RHPN1: variants seen among roughly 807,000 people sequenced by gnomAD.
The protein encoded by RHPN1 is rhophilin Rho GTPase binding protein 1.
Under a neutral mutation model 74.7 loss-of-function variants are expected in RHPN1, and 77 were observed. That is an observed-to-expected ratio of 1.03 (90% CI 0.86 to 1.25). RHPN1 has a LOEUF of 1.25. Ranked by LOEUF, RHPN1 falls within the 50% of genes most tolerant of loss-of-function variation. The probability of loss-of-function intolerance (pLI) is 0.00; values close to 1 mark genes in which losing one functional copy is unlikely to be tolerated. For synonymous variants in RHPN1, 444 were observed against 414.5 expected, an observed-to-expected ratio of 1.07 and a Z score of -0.87; for missense variants, 987 against 932.2, an observed-to-expected ratio of 1.06 and a Z score of -0.77.
Position 143,375,651 on chromosome 8 carries a change from C to A in RHPN1, c.159C>A (p.Gly53=), listed in dbSNP as rs144295575. The change falls in exon 2 of 15, where the codon GGC becomes GGA. Residue 53 remains glycine, a synonymous_variant. Coordinates refer to ENST00000289013, the MANE Select transcript of RHPN1 (RefSeq NM_052924.3). ...ACAAGGAGCTGCAGATGCGGACGGG[C>A]GCTGAGAACCTCTACAGGTCAGTGC... ...QIDKELQMRT[G]AENLYRATSN... is the part of the protein sequence containing the mutation. 3 of 1,607,538 alleles carry A rather than the reference C, an allele frequency of 1.9e-6. No homozygotes were observed. Among genetic ancestry groups the A allele is most frequent in the Non-Finnish European group, 2.5e-6 (3 of 1,177,830 alleles).
intron 1 of RHPN1, among the ~76,000 whole-genome samples, chr8:143,374,725 G>A (rs1195110999): frequency 1.4e-4 from 22 of 152,228 alleles, no homozygotes; most frequent in Admixed American, 1.4e-3. Context: ...GATCATGTGG[G>A]CAGGACCCCA....
upstream of RHPN1, among the ~76,000 whole-genome samples, chr8:143,365,588 G>C (rs1417676538): frequency 2.6e-4 from 39 of 152,250 alleles, 1 homozygote; most frequent in Admixed American, 2.6e-3. Context: ...TCTTCACCCA[G>C]GACATGTGGA....
At position 143,381,557 on chromosome 8, in the gene RHPN1, C is replaced by CT; in HGVS notation, c.1489-14dup. 1.2e-6 allele frequency: 2 copies of CT among 1,602,496 alleles called. No homozygotes were observed. The highest frequency in any genetic ancestry group is 1.7e-6 in the Non-Finnish European group (2 of 1,177,572). ...TGTGGCCCAGCTGGGCCTCTGACCT[C>CT]TGAGCCCCTGCCAGGGGCCCCTGTC... On this transcript the variant is annotated splice_polypyrimidine_tract_variant and intron_variant, in intron 12 of 14. Transcript: ENST00000289013.
In RHPN1 at chr8:143,384,022, G is replaced by A. The variant is rs1328072185; in HGVS notation, c.*1371G>A. ...AAATGGGGGTGCAAGTAGGGTGTTT[G>A]GGGTCCCAGAGACGCAGGCGCCGCG... On this transcript the variant is annotated 3_prime_UTR_variant, in exon 15 of 15. Transcript: ENST00000289013. 1.3e-5 allele frequency: 2 copies of A among 152,200 alleles called. No individual in the cohort carries two copies. Among genetic ancestry groups the A allele is most frequent in the Admixed American group, 1.3e-4 (2 of 15,284 alleles). The allele number at this position is 152,200 out of a possible 1,614,324, so 9.4% of individuals were successfully genotyped here. A position where few individuals can be genotyped will look rare whatever the true frequency, so the allele number is the denominator to read the frequency against.
At chr8:143,372,637 G>A (rs529031889) in intron 1 of RHPN1, among the ~76,000 whole-genome samples, 32 of 151,864 alleles carry the variant, frequency 2.1e-4, no homozygotes, top group Admixed American at 5.9e-4. Flanking sequence ...CCCTCCCTCC[G>A]GCCCCTAAGC....
intron 1 of RHPN1, among the ~76,000 whole-genome samples, chr8:143,372,571 G>A (rs1164797114): frequency 2.6e-5 from 4 of 151,932 alleles, no homozygotes; most frequent in Non-Finnish European, 2.9e-5. Flanking sequence ...CCCTCCTTCC[G>A]GCTGCCTGTG....
chr8:143,380,049 C>G lies in RHPN1; in HGVS notation c.1103-13C>G. ...CCCCCCCGCGCAGGGCTCACAGCCTCTCTGTCCCCCAGCAGCGACCGAGGG... is the reference window on the plus strand; with the variant it reads ...CCCCCCCGCGCAGGGCTCACAGCCTGTCTGTCCCCCAGCAGCGACCGAGGG... On this transcript the variant is annotated splice_polypyrimidine_tract_variant and intron_variant, in intron 9 of 14. Transcript: ENST00000289013. The G allele has an allele frequency of 6.5e-7, 1 of 1,545,760 alleles. No homozygotes were observed. The highest frequency in any genetic ancestry group is 8.7e-7 in the Non-Finnish European group (1 of 1,144,926).
rs773208933 is a variant in RHPN1, at chr8:143,381,983, C to A, written c.1797+15C>A. 7.0e-6 allele frequency: 11 copies of A among 1,562,960 alleles called. No homozygotes were observed. The highest frequency in any genetic ancestry group is 8.7e-6 in the Non-Finnish European group (10 of 1,154,368). Reference sequence around the variant, plus strand: ...TGCCCAGCTTGGTGAGCCCCTGGGGCCCCAGAGGGGCGGTCCCCAGCTTGC... The same window carrying A: ...TGCCCAGCTTGGTGAGCCCCTGGGGACCCAGAGGGGCGGTCCCCAGCTTGC... On this transcript the variant is annotated intron_variant, in intron 14 of 14. Transcript: ENST00000289013.
chr8:143,369,849 T>C (rs1299635574), intron 1 of RHPN1, among the ~76,000 whole-genome samples: 4 of 152,262 alleles, frequency 2.6e-5, no homozygotes, highest in African/African-American at 7.2e-5. Flanking sequence ...GACTGTGTTG[T>C]CCCTGGGCTG....
chr8:143,379,431 G>C lies in RHPN1; in HGVS notation c.868G>C (p.Glu290Gln). The C allele has an allele frequency of 6.3e-7, 1 of 1,579,676 alleles. No homozygotes were observed. The highest frequency in any genetic ancestry group is 2.3e-5 in the East Asian group (1 of 42,742). Residue 290 changes from glutamate to glutamine, a missense_variant, in exon 8 of 15, where the codon GAG becomes CAG. Coordinates refer to ENST00000289013, the MANE Select transcript of RHPN1 (RefSeq NM_052924.3). ...GGCCCAGGCCCAGGAATGTGTGTTT[G>C]AGGGCCTCTCACCACCTGCCTCCAT... ...MMAQAQECVF[E>Q]GLSPPASMAP...
chr8:143,381,705 G>T lies in RHPN1; in HGVS notation c.1622G>T (p.Gly541Val). ...SPVLIAAVIP[G>V]SQAAAAGLKE... ...GTCCTCATCGCTGCCGTCATTCCAGGGAGCCAGGCCGCGGTAAGGGCCCCG... is the reference window on the plus strand; with the variant it reads ...GTCCTCATCGCTGCCGTCATTCCAGTGAGCCAGGCCGCGGTAAGGGCCCCG... Residue 541 changes from glycine to valine, a missense_variant, in exon 13 of 15, where the codon GGG becomes GTG. Gly to Val is a moderately radical substitution (Grantham distance 109). Transcript: ENST00000289013. The T allele has an allele frequency of 6.2e-7, 1 of 1,610,942 alleles. No individual in the cohort carries two copies. Among genetic ancestry groups the T allele is most frequent in the African/African-American group, 1.3e-5 (1 of 75,026 alleles).
chr8:143,379,481 G>T lies in RHPN1; in HGVS notation c.918G>T (p.Gln306His), dbSNP rs1200342934. The change falls in exon 8 of 15, where the codon CAG (glutamine) becomes CAT (histidine). Residue 306 changes from glutamine to histidine, a missense_variant. Physicochemically the swap from Gln to His is conservative, Grantham distance 24. Coordinates refer to ENST00000289013, the MANE Select transcript of RHPN1 (RefSeq NM_052924.3). Reference sequence around the variant, plus strand: ...TGGCCCCCCAAGACTGCCTGGCCCAGCTGCGCCTGGCGCAGGAGGCCGCCC... The same window carrying T: ...TGGCCCCCCAAGACTGCCTGGCCCATCTGCGCCTGGCGCAGGAGGCCGCCC... ...ASMAPQDCLA[Q>H]LRLAQEAAQV... 1 of 1,561,874 alleles carries T rather than the reference G, an allele frequency of 6.4e-7. No homozygotes were observed. The highest frequency in any genetic ancestry group is 1.2e-5 in the South Asian group (1 of 85,028).
At chr8:143,371,611 G>A (rs556843238) in intron 1 of RHPN1, among the ~76,000 whole-genome samples, 1 of 152,288 alleles carries the variant, frequency 6.6e-6, no homozygotes, top group East Asian at 1.9e-4. Context: ...GTTTCCTCCT[G>A]GGCAGAGGAG....
At position 143,370,854 on chromosome 8, in the gene RHPN1, G is replaced by A. The variant is rs73365849; in HGVS notation, c.60+1807G>A. Among the ~76,000 whole-genome samples the A allele has an allele frequency of 5.7e-3, 871 of 152,346 alleles. 13 individuals are homozygous for A. Among genetic ancestry groups the A allele is most frequent in the African/African-American group, 0.02 (840 of 41,586 alleles). ...GAATACAGCCTGGCTGTATGCAGAA[G>A]GTTCTGTGGTTTCCTGGGGAGGCCA... On this transcript the variant is annotated intron_variant, in intron 1 of 14. Coordinates refer to ENST00000289013, the MANE Select transcript of RHPN1 (RefSeq NM_052924.3).
chr8:143,382,060 A>T, intron 14 of RHPN1, 92 bp downstream of exon 14: 3 of 1,292,862 alleles, frequency 2.3e-6, no homozygotes, highest in Non-Finnish European at 3.1e-6. Flanking sequence ...AACATTGGGA[A>T]GGGGAGGTGG....
chr8:143,379,245 C>T (rs1261142648), intron 7 of RHPN1, 70 bp from the exon 8 acceptor site: 1 of 1,459,634 alleles, frequency 6.9e-7, no homozygotes, highest in Non-Finnish European at 9.1e-7. Flanking sequence ...GCTGGCCGCC[C>T]TGAGTGCTGC....
chr8:143,378,356 T>TCCGCC lies in RHPN1; in HGVS notation c.459+12_459+13insGCCCC. 6.6e-7 allele frequency: 1 copy of TCCGCC among 1,525,438 alleles called. No homozygotes were observed. Among genetic ancestry groups the TCCGCC allele is most frequent in the South Asian group, 1.2e-5 (1 of 83,566 alleles). The allele number at this position is 1,525,438 out of a possible 1,614,324, so 94.5% of individuals were successfully genotyped here. A position where few individuals can be genotyped will look rare whatever the true frequency, so the allele number is the denominator to read the frequency against. Reference sequence around the variant, plus strand: ...GGAGGCCCTGCGGCAGGTGTGTGGTTCCCCCGCCCACCCACCCTCCTGCAG... The same window carrying TCCGCC: ...GGAGGCCCTGCGGCAGGTGTGTGGTTCCGCCCCCCCGCCCACCCACCCTCCTGCAG... On this transcript the variant is annotated intron_variant, in intron 5 of 14. Transcript: ENST00000289013.
chr8:143,377,213 T>TG (rs1366458590), intron 3 of RHPN1, among the ~76,000 whole-genome samples, 167 bp from the exon 4 acceptor site: 1 of 152,210 alleles, frequency 6.6e-6, no homozygotes, highest in Non-Finnish European at 1.5e-5. Flanking sequence ...TTTAGGACGG[T>TG]GGGGGGTGGT....
At chr8:143,371,879 A>G (rs910609093) in intron 1 of RHPN1, among the ~76,000 whole-genome samples, 1 of 152,150 alleles carries the variant, frequency 6.6e-6, no homozygotes, top group Non-Finnish European at 1.5e-5. Flanking sequence ...GCCTGTGTCT[A>G]TGCCCCTTCC....
Sources: gnomAD v4.1 joint callset for allele counts (sites outside exome capture counted in the v4.1 genomes callset) on GRCh38, gnomAD v4.1.1 for gene constraint, MANE v1.5 for transcripts, NCBI Gene and HGNC (gene_info 2026-07-23, HGNC 2026-07-21) for gene names.